Variants in CMSS1 observed in about 807,000 individuals in gnomAD.
The protein encoded by CMSS1 is protein CMSS1.
CMSS1 carries 33 observed loss-of-function variants against 43.5 expected under a neutral mutation model. That is an observed-to-expected ratio of 0.76 (90% confidence interval 0.57 to 1.01). The LOEUF (loss-of-function observed/expected upper bound fraction) is 1.01. Ranked by LOEUF, CMSS1 falls within the 50% of genes least tolerant of loss-of-function variation. CMSS1 has a pLI of 0.00. For synonymous variants in CMSS1, 115 were observed against 117.2 expected (o/e 0.98, Z 0.12); for missense variants, 313 against 326.4 (o/e 0.96, Z 0.32).
At position 99,895,162 on chromosome 3, in the gene CMSS1, T is replaced by TTA. The variant is rs55652715; in HGVS notation, c.64+77130_64+77131dup. Among the ~76,000 whole-genome samples, 1,275 of 151,714 alleles carry TTA rather than the reference T, an allele frequency of 8.4e-3. 21 individuals carry two copies. The highest frequency in any genetic ancestry group is 0.03 in the African/African-American group (1,232 of 41,434). ...CAGGTGTTCATAACCCAGAGAATGC[T>TTA]TATATATATATAGTGGCCAGGATGG... On this transcript the variant is annotated intron_variant, in intron 1 of 9. Transcript: ENST00000421999.
intron 1 of CMSS1, among the ~76,000 whole-genome samples, chr3:100,031,409 G>A (rs1559732346): frequency 6.6e-6 from 1 of 152,080 alleles, no homozygotes. Flanking sequence ...GGGAAGTGGA[G>A]TGAGGAAGGA....
At chr3:100,009,559 C>G (rs1710084201) in intron 1 of CMSS1, among the ~76,000 whole-genome samples, 1 of 152,142 alleles carries the variant, frequency 6.6e-6, no homozygotes, top group Non-Finnish European at 1.5e-5. Flanking sequence ...ATAGACCAAG[C>G]TCTTAATTTC....
chr3:99,948,060 A>G (rs1351720907), intron 1 of CMSS1, among the ~76,000 whole-genome samples: 2 of 152,252 alleles, frequency 1.3e-5, no homozygotes, highest in African/African-American at 2.4e-5. Context: ...TTCTAAAGCT[A>G]TAACATTCTG....
intron 1 of CMSS1, among the ~76,000 whole-genome samples, chr3:100,146,034 T>A (rs1179179399): frequency 6.6e-6 from 1 of 152,206 alleles, no homozygotes; most frequent in African/African-American, 2.4e-5. Flanking sequence ...TGACAGAACA[T>A]GTTCACATAT....
intron 1 of CMSS1, among the ~76,000 whole-genome samples, chr3:100,020,073 T>C (rs886425270): frequency 6.6e-6 from 1 of 152,192 alleles, no homozygotes; most frequent in Non-Finnish European, 1.5e-5. Flanking sequence ...TGGAAAGCCT[T>C]ACTATAATCC....
intron 1 of CMSS1, among the ~76,000 whole-genome samples, chr3:99,980,473 A>G (rs1709090168): frequency 6.6e-6 from 1 of 152,198 alleles, no homozygotes; most frequent in Admixed American, 6.5e-5. Context: ...TTTTATTTCC[A>G]CAGAAACCAT....
At chr3:100,066,381 T>C (rs903311374) in intron 1 of CMSS1, among the ~76,000 whole-genome samples, 1 of 152,220 alleles carries the variant, frequency 6.6e-6, no homozygotes, top group Non-Finnish European at 1.5e-5. Context: ...AGAATTCTTA[T>C]GGAACTGGAT....
chr3:100,136,777 C>T (rs2066759724), intron 1 of CMSS1, among the ~76,000 whole-genome samples: 1 of 152,194 alleles, frequency 6.6e-6, no homozygotes, highest in Non-Finnish European at 1.5e-5. Flanking sequence ...CACTTACAGG[C>T]CATATGATTA....
chr3:99,898,925 G>A (rs1706349721), intron 1 of CMSS1, among the ~76,000 whole-genome samples: 1 of 152,044 alleles, frequency 6.6e-6, no homozygotes, highest in Non-Finnish European at 1.5e-5. Flanking sequence ...TCTAATCGAA[G>A]TTTAGCTTTA....
intron 1 of CMSS1, among the ~76,000 whole-genome samples, chr3:100,005,605 C>T (rs1329039804): frequency 6.6e-6 from 1 of 152,130 alleles, no homozygotes; most frequent in African/African-American, 2.4e-5. Context: ...TCCAATGATT[C>T]TAAAGTTAAA....
At chr3:99,986,243 A>G (rs1709338817) in intron 1 of CMSS1, among the ~76,000 whole-genome samples, 1 of 152,238 alleles carries the variant, frequency 6.6e-6, no homozygotes, top group African/African-American at 2.4e-5. Context: ...TTGCTCATGC[A>G]TCAATCTGTA....
intron 1 of CMSS1, among the ~76,000 whole-genome samples, chr3:99,914,972 A>G (rs558524335): frequency 6.6e-6 from 1 of 152,350 alleles, no homozygotes; most frequent in African/African-American, 2.4e-5. Flanking sequence ...ACTGCAATGT[A>G]TGAATTGAGT....
At chr3:99,830,977 A>G (rs1450352372) in intron 1 of CMSS1, among the ~76,000 whole-genome samples, 1 of 152,228 alleles carries the variant, frequency 6.6e-6, no homozygotes, top group Non-Finnish European at 1.5e-5. Context: ...TTCATGAAGA[A>G]TATGGCATTT....
At chr3:100,053,707 G>A (rs2065413121) in intron 1 of CMSS1, among the ~76,000 whole-genome samples, 1 of 152,086 alleles carries the variant, frequency 6.6e-6, no homozygotes. Context: ...GAGCATTTAG[G>A]GGTCTACACT....
intron 1 of CMSS1, among the ~76,000 whole-genome samples, chr3:99,877,236 A>G (rs1007590746): frequency 2.0e-5 from 3 of 151,838 alleles, no homozygotes. Context: ...TCCTTTTAAA[A>G]CCTCTTTTAA....
At chr3:99,940,018 C>G (rs944156249) in intron 1 of CMSS1, among the ~76,000 whole-genome samples, 2 of 152,204 alleles carry the variant, frequency 1.3e-5, no homozygotes, top group Non-Finnish European at 2.9e-5. Flanking sequence ...TAAACAACCA[C>G]TGATGAGGTC....
chr3:99,821,994 C>G (rs1330390596), intron 1 of CMSS1, among the ~76,000 whole-genome samples: 1 of 151,950 alleles, frequency 6.6e-6, no homozygotes, highest in Non-Finnish European at 1.5e-5. Context: ...TGCGACGAGC[C>G]AAGATCGCAC....
At chr3:100,054,619 C>G (rs1237521127) in intron 1 of CMSS1, among the ~76,000 whole-genome samples, 1 of 152,004 alleles carries the variant, frequency 6.6e-6, no homozygotes, top group Admixed American at 6.6e-5. Flanking sequence ...GGGAATACAA[C>G]GTGAATAATC....
intron 4 of CMSS1, among the ~76,000 whole-genome samples, chr3:100,165,276 A>G (rs1426942819): frequency 6.6e-6 from 1 of 152,180 alleles, no homozygotes; most frequent in Non-Finnish European, 1.5e-5. Context: ...GTGCTGGGTC[A>G]CAACATAAAT....
Sources: allele counts gnomAD v4.1 joint callset (sites outside exome capture counted in the v4.1 genomes callset), GRCh38; gene constraint gnomAD v4.1.1; transcripts MANE v1.5; gene names NCBI Gene and HGNC (gene_info 2026-07-23, HGNC 2026-07-21).